Variants in SECISBP2L observed in about 807,000 individuals in gnomAD.
The protein encoded by SECISBP2L is SECIS binding protein 2 like.
Under a neutral mutation model 114.7 loss-of-function variants are expected in SECISBP2L, and 43 were observed. The ratio of observed to expected loss-of-function variants is 0.38; its 90% CI spans 0.29 to 0.48. The LOEUF is 0.48. Among genes scored for constraint, SECISBP2L ranks in the 20% least tolerant of loss-of-function variants. SECISBP2L has a pLI of 0.98. For missense variants in SECISBP2L, 1,136 were observed against 1,301.1 expected (o/e 0.87, Z 1.95); for synonymous variants, 451 against 439.7 (o/e 1.03, Z -0.32).
chr15:49,038,431 TA>T (rs79850913), intron 1 of SECISBP2L, among the ~76,000 whole-genome samples: 2,051 of 104,064 alleles, frequency 0.02, 18 homozygotes, highest in African/African-American at 0.042. Context: ...TTAAAAGACA[TA>T]AAAAAAAAAA....
intron 6 of SECISBP2L, 98 bp from the exon 7 acceptor site, chr15:49,027,578 G>T (rs927841767): frequency 3.9e-5 from 23 of 584,416 alleles, no homozygotes; most frequent in Middle Eastern, 5.0e-4. Flanking sequence ...CACTAGAAAT[G>T]TAATAGTGAA....
intron 8 of SECISBP2L, among the ~76,000 whole-genome samples, chr15:49,018,377 C>T (rs1390241099): frequency 6.6e-6 from 1 of 152,030 alleles, no homozygotes; most frequent in African/African-American, 2.4e-5. Flanking sequence ...CTGCCTCAGC[C>T]TCCCAGTTAG....
chr15:49,032,524 T>G (rs1031342280), intron 4 of SECISBP2L, among the ~76,000 whole-genome samples: 1 of 152,236 alleles, frequency 6.6e-6, no homozygotes, highest in Non-Finnish European at 1.5e-5. Flanking sequence ...ATACATAGGT[T>G]TGGTTCAGAT....
At chr15:49,030,038 AAG>A (rs909332849) in intron 4 of SECISBP2L, among the ~76,000 whole-genome samples, 2 of 102,166 alleles carry the variant, frequency 2.0e-5, no homozygotes, top group Non-Finnish European at 4.2e-5. Context: ...TAACTGTACC[AAG>A]ACAGTCCAAA....
chr15:49,035,515 C>G lies in SECISBP2L; in HGVS notation c.347G>C (p.Cys116Ser). Residue 116 changes from cysteine to serine, a missense_variant, in exon 3 of 18, where the codon TGT (cysteine) becomes TCT (serine). Physicochemically the swap from Cys to Ser is moderately radical, Grantham distance 112 (BLOSUM62 -1). Transcript: ENST00000559471. The stretch of plus-strand genomic sequence containing the variant: ...ATGATAGAAACCCATAACCTGGGCA[C>G]ATGGTGCTGGCATCAGCTGATAATA... ...YTYYQLMPAP[C>S]AQVMGFYHPF... The G allele has an allele frequency of 6.2e-7, 1 of 1,614,150 alleles. No homozygotes were observed. The highest frequency in any genetic ancestry group is 8.5e-7 in the Non-Finnish European group (1 of 1,180,008).
intron 11 of SECISBP2L, among the ~76,000 whole-genome samples, chr15:49,013,517 G>T (rs779729202): frequency 6.6e-6 from 1 of 152,118 alleles, no homozygotes; most frequent in Non-Finnish European, 1.5e-5. Context: ...GGATGGTCTC[G>T]ATCTCTTGAC....
chr15:49,015,197 A>C (rs2141071305), intron 11 of SECISBP2L, among the ~76,000 whole-genome samples: 1 of 152,198 alleles, frequency 6.6e-6, no homozygotes, highest in South Asian at 2.1e-4. Context: ...AACAAAGGCA[A>C]CTTGATTCCA....
At chr15:49,009,043 C>G (rs1269934494) in intron 14 of SECISBP2L, among the ~76,000 whole-genome samples, 173 bp downstream of exon 14, 1 of 152,148 alleles carries the variant, frequency 6.6e-6, no homozygotes, top group Non-Finnish European at 1.5e-5. Context: ...TAACAGCTGA[C>G]AGAAGGCAAT....
intron 14 of SECISBP2L, among the ~76,000 whole-genome samples, chr15:49,004,018 C>T (rs988212249): frequency 1.2e-4 from 19 of 152,116 alleles, no homozygotes; most frequent in African/African-American, 4.3e-4. Flanking sequence ...GGAATGGTAC[C>T]AGCTCCTCTT....
intron 16 of SECISBP2L, among the ~76,000 whole-genome samples, chr15:48,999,187 C>T (rs1595781912): frequency 6.6e-6 from 1 of 152,106 alleles, no homozygotes; most frequent in Non-Finnish European, 1.5e-5. Flanking sequence ...TAGACACATA[C>T]ACAAAAATAG....
At chr15:49,028,776 C>A in intron 4 of SECISBP2L, 94 bp from the exon 5 acceptor site, 2 of 1,047,530 alleles carry the variant, frequency 1.9e-6, no homozygotes, top group East Asian at 2.4e-5. Flanking sequence ...AAATAGATAC[C>A]AAACTTCATA....
chr15:49,018,640 T>C (rs1210926143), intron 8 of SECISBP2L, among the ~76,000 whole-genome samples: 1 of 152,220 alleles, frequency 6.6e-6, no homozygotes, highest in Non-Finnish European at 1.5e-5. Flanking sequence ...ACTCATTCAA[T>C]AGAATTTATG....
In SECISBP2L at chr15:49,033,118, C is replaced by CA. The variant is rs1240710656; in HGVS notation, c.529-19dup. ...AGCTGTTGCTGATTTAAAAAAAAAACAAAAAAACAAAAAACACACAACTAT... is the reference window on the plus strand; with the variant it reads ...AGCTGTTGCTGATTTAAAAAAAAAACAAAAAAAACAAAAAACACACAACTAT... On this transcript the variant is annotated intron_variant, in intron 3 of 17. Transcript: ENST00000559471. 8 of 1,591,170 alleles carry CA rather than the reference C, an allele frequency of 5.0e-6. No homozygotes were observed. Among genetic ancestry groups the CA allele is most frequent in the South Asian group, 1.1e-5 (1 of 87,134 alleles).
At position 48,992,053 on chromosome 15, in the gene SECISBP2L, TCTTAGAAAGACA is replaced by T; in HGVS notation, c.*179_*190del. Reference sequence around the variant, plus strand: ...AACAGATCTGAATTTTCCACACAGTTCTTAGAAAGACACTTAGATACTAATTAAAAGCTAAGC... The same window carrying T: ...AACAGATCTGAATTTTCCACACAGTTCTTAGATACTAATTAAAAGCTAAGC... On this transcript the variant is annotated 3_prime_UTR_variant, in exon 18 of 18. Transcript: ENST00000559471. The T allele has an allele frequency of 2.0e-6, 1 of 494,324 alleles. No homozygotes were observed. The highest frequency in any genetic ancestry group is 3.5e-6 in the Non-Finnish European group (1 of 286,792). 30.6% of individuals were successfully genotyped at this position (494,324 alleles called of 1,614,324 possible). A position where few individuals can be genotyped will look rare whatever the true frequency, so the allele number is the denominator to read the frequency against.
intron 2 of SECISBP2L, among the ~76,000 whole-genome samples, chr15:49,036,325 G>C (rs2141085324): frequency 6.6e-6 from 1 of 152,316 alleles, no homozygotes; most frequent in African/African-American, 2.4e-5. Flanking sequence ...TCCTGTCCCA[G>C]CAGCCCCCTC....
chr15:49,003,129 G>C (rs1222709462), intron 14 of SECISBP2L, among the ~76,000 whole-genome samples: 1 of 144,612 alleles, frequency 6.9e-6, no homozygotes, highest in East Asian at 2.0e-4. Flanking sequence ...ATTTCCTTGA[G>C]CAGTGGTTTG....
chr15:49,003,078 G>A (rs1050242924), intron 14 of SECISBP2L, among the ~76,000 whole-genome samples: 19 of 152,070 alleles, frequency 1.2e-4, no homozygotes, highest in Admixed American at 8.5e-4. Flanking sequence ...CTTCCTATCC[G>A]TGAGCATGGA....
At position 49,018,246 on chromosome 15, in the gene SECISBP2L, C is replaced by A. The variant is rs1176581559; in HGVS notation, c.1171-618G>T. Among the ~76,000 whole-genome samples, 3 of 150,420 alleles carry A rather than the reference C, an allele frequency of 2.0e-5. No individual in the cohort carries two copies. In the East Asian group the frequency reaches 5.8e-4, roughly 29 times the overall value. On this transcript the variant is annotated intron_variant, in intron 8 of 17. Coordinates refer to ENST00000559471, the MANE Select transcript of SECISBP2L (RefSeq NM_001193489.2). ...TGGCTCAATTACTAAACTTATCTAA[C>A]ATATTATTGATTTTTTTTTTTTTTT...
rs1222655223 is a variant in SECISBP2L at position 49,037,749 on chromosome 15, C to T, written c.45G>A (p.Glu15=). 3.1e-6 allele frequency: 5 copies of T among 1,603,796 alleles called. No homozygotes were observed. The highest frequency in any genetic ancestry group is 2.2e-5 in the East Asian group (1 of 44,646). Reference sequence around the variant, plus strand: ...TCTTCTGGGGAATAAATGGCTCCACCTCAGCTGACAGCTTGACATTCTTCA... The same window carrying T: ...TCTTCTGGGGAATAAATGGCTCCACTTCAGCTGACAGCTTGACATTCTTCA... ...PTEQNVKLSA[E]VEPFIPQKKS... is the part of the protein sequence containing the mutation. Residue 15 remains glutamate, a synonymous_variant, in exon 2 of 18, where the codon GAG becomes GAA. Transcript: ENST00000559471.
Sources: gnomAD v4.1 joint callset for allele counts (sites outside exome capture counted in the v4.1 genomes callset) on GRCh38, gnomAD v4.1.1 for gene constraint, MANE v1.5 for transcripts, NCBI Gene and HGNC (gene_info 2026-07-23, HGNC 2026-07-21) for gene names.